The following SLMAP variants were observed in gnomAD, a reference collection of about 807,000 sequenced individuals.
SLMAP encodes sarcolemma associated protein.
SLMAP carries 44 observed loss-of-function variants against 128.8 expected under a neutral mutation model. That is an observed-to-expected ratio of 0.34 (90% CI 0.27 to 0.44). The LOEUF (loss-of-function observed/expected upper bound fraction) is 0.44. Ranked by LOEUF, SLMAP falls within the 20% of genes least tolerant of loss-of-function variation. SLMAP has a pLI of 1.00. For missense variants in SLMAP, 787 were observed against 985.3 expected, an observed-to-expected ratio of 0.80 and a Z score of 2.69; for synonymous variants, 327 against 348.8, an observed-to-expected ratio of 0.94 and a Z score of 0.70.
chr3:57,866,389 C>G (rs1305651801), intron 13 of SLMAP, among the ~76,000 whole-genome samples: 1 of 152,038 alleles, frequency 6.6e-6, no homozygotes, highest in Admixed American at 6.6e-5. Context: ...TTTTTTGGTT[C>G]TTTTTTGGTT....
chr3:57,766,078 A>C (rs1362801667), intron 2 of SLMAP, among the ~76,000 whole-genome samples: 1 of 143,944 alleles, frequency 6.9e-6, no homozygotes, highest in African/African-American at 2.6e-5. Context: ...GGCTCATTGT[A>C]AGCTCCGCCT....
chr3:57,810,580 T>C (rs1283451805), intron 2 of SLMAP, among the ~76,000 whole-genome samples: 1 of 152,226 alleles, frequency 6.6e-6, no homozygotes, highest in African/African-American at 2.4e-5. Context: ...TATCTATATA[T>C]GCGGCCTCTC....
intron 22 of SLMAP, chr3:57,917,613 C>T (rs774799290): frequency 6.5e-6 from 1 of 154,384 alleles, no homozygotes; most frequent in Non-Finnish European, 1.4e-5. Flanking sequence ...TGCTTAAAAC[C>T]TTGAGTTGAG....
In SLMAP at chr3:57,757,392, A is replaced by G. The variant is rs904732730; in HGVS notation, c.-260A>G. The G allele has an allele frequency of 9.3e-6, 5 of 539,196 alleles. No individual in the cohort carries two copies. The highest frequency in any genetic ancestry group is 1.7e-5 in the Non-Finnish European group (5 of 299,592). 33.4% of individuals were successfully genotyped at this position (539,196 alleles called of 1,614,324 possible). A position where few individuals can be genotyped will look rare whatever the true frequency, so the allele number is the denominator to read the frequency against. ...TTGAGCCTTTTCTTCCCAGAGAAGA[A>G]GATGGACTGAAAGCTGCCAGTTGGG... On this transcript the variant is annotated 5_prime_UTR_variant, in exon 2 of 25. Transcript: ENST00000671191.
intron 8 of SLMAP, among the ~76,000 whole-genome samples, chr3:57,858,614 T>C (rs1406193622): frequency 6.6e-6 from 1 of 152,196 alleles, no homozygotes; most frequent in African/African-American, 2.4e-5. Flanking sequence ...TTATCAATCA[T>C]TGATGATCCC....
chr3:57,831,979 G>T (rs1200862650), intron 3 of SLMAP, among the ~76,000 whole-genome samples: 1 of 152,214 alleles, frequency 6.6e-6, no homozygotes, highest in Non-Finnish European at 1.5e-5. Context: ...GTCATAAGAT[G>T]ATGGCTGCAA....
Position 57,909,072 on chromosome 3 carries a change from T to G in SLMAP, c.1625-4T>G. 1 of 1,599,296 alleles carries G rather than the reference T, an allele frequency of 6.3e-7. No homozygotes were observed. Among genetic ancestry groups the G allele is most frequent in the Non-Finnish European group, 8.6e-7 (1 of 1,168,776 alleles). On this transcript the variant is annotated splice_polypyrimidine_tract_variant and splice_region_variant and intron_variant, in intron 18 of 24. Coordinates refer to ENST00000671191, the MANE Select transcript of SLMAP (RefSeq NM_001377540.1). ...ATTAATAGATACTGTGTTTTTACTT[T>G]TAGCTCTTTTGGAAGAAGAAAGAAA...
chr3:57,802,483 T>C (rs1264779270), intron 2 of SLMAP, among the ~76,000 whole-genome samples: 3 of 152,158 alleles, frequency 2.0e-5, no homozygotes, highest in Non-Finnish European at 4.4e-5. Flanking sequence ...GGTTTCACTA[T>C]GTTGGCCAGG....
intron 3 of SLMAP, among the ~76,000 whole-genome samples, chr3:57,833,360 TAGAAAGCTAAGAAGATGACCCTG>T (rs1370934706): frequency 6.6e-6 from 1 of 152,176 alleles, no homozygotes; most frequent in Non-Finnish European, 1.5e-5. Flanking sequence ...GAAAATGCTA[TAGAAAGCTAAGAAGATGACCCTG>T]AGATTCAAGG....
At chr3:57,804,701 T>C (rs2089427769) in intron 2 of SLMAP, among the ~76,000 whole-genome samples, 1 of 152,104 alleles carries the variant, frequency 6.6e-6, no homozygotes, top group Non-Finnish European at 1.5e-5. Context: ...GCCATGATCA[T>C]GTCACTACTT....
intron 15 of SLMAP, chr3:57,891,168 G>C (rs2096060355): frequency 1.3e-5 from 2 of 149,106 alleles, no homozygotes; most frequent in Non-Finnish European, 3.0e-5. Flanking sequence ...ATTCAGATTA[G>C]TTGGTTGAAT....
intron 2 of SLMAP, among the ~76,000 whole-genome samples, chr3:57,793,716 A>G (rs188970367): frequency 2.6e-4 from 40 of 152,234 alleles, no homozygotes; most frequent in African/African-American, 7.9e-4. Context: ...ATGAATTTAG[A>G]TAATATATGT....
In SLMAP at chr3:57,929,331, C is replaced by T. The variant is rs191446361; in HGVS notation, c.*2042C>T. ...AGCTGTTTCCTCCAAGTTTTATTAA[C>T]CTTTTATTTAACTTACTGCTTTATT... is the stretch of plus-strand genomic sequence containing the variant. On this transcript the variant is annotated 3_prime_UTR_variant, in exon 25 of 25. Coordinates refer to ENST00000671191, the MANE Select transcript of SLMAP (RefSeq NM_001377540.1). Among the ~76,000 whole-genome samples the T allele has an allele frequency of 6.6e-6, 1 of 152,230 alleles. No homozygotes were observed. Among genetic ancestry groups the T allele is most frequent in the Admixed American group, 6.5e-5 (1 of 15,276 alleles).
At chr3:57,798,076 G>A (rs1251619890) in intron 2 of SLMAP, among the ~76,000 whole-genome samples, 1 of 152,236 alleles carries the variant, frequency 6.6e-6, no homozygotes, top group East Asian at 1.9e-4. Flanking sequence ...AGGCATACAT[G>A]GCATGGCACA....
Position 57,796,829 on chromosome 3 carries a change from GT to G in SLMAP, c.199-34553del, listed in dbSNP as rs375616538. ...TACTTAATGCCTTGGGATGATATCAGTGAAAATGTCAAAAATGCAACTATAT... is the reference window on the plus strand; with the variant it reads ...TACTTAATGCCTTGGGATGATATCAGGAAAATGTCAAAAATGCAACTATAT... On this transcript the variant is annotated intron_variant, in intron 2 of 24. Coordinates refer to ENST00000671191, the MANE Select transcript of SLMAP (RefSeq NM_001377540.1). Among the ~76,000 whole-genome samples, 158 of 152,276 alleles carry G rather than the reference GT, an allele frequency of 1.0e-3. 1 individual carries two copies. The highest frequency in any genetic ancestry group is 3.6e-3 in the African/African-American group (148 of 41,550).
chr3:57,784,464 C>T (rs2083679347), intron 2 of SLMAP, among the ~76,000 whole-genome samples: 1 of 152,142 alleles, frequency 6.6e-6, no homozygotes, highest in African/African-American at 2.4e-5. Context: ...TTTTCCTCAT[C>T]CCTATTGGAA....
chr3:57,886,246 G>T (rs1292473354), intron 14 of SLMAP, among the ~76,000 whole-genome samples: 1 of 151,542 alleles, frequency 6.6e-6, no homozygotes, highest in Admixed American at 6.6e-5. Context: ...TGGGATTACA[G>T]GTGCCCGCCA....
chr3:57,760,842 C>T (rs1576000805), intron 2 of SLMAP, among the ~76,000 whole-genome samples: 1 of 152,098 alleles, frequency 6.6e-6, no homozygotes, highest in Non-Finnish European at 1.5e-5. Flanking sequence ...ATTCTCCTGC[C>T]TCAGCTTCCC....
intron 22 of SLMAP, among the ~76,000 whole-genome samples, chr3:57,922,616 A>G (rs1443295188): frequency 6.6e-6 from 1 of 151,858 alleles, no homozygotes; most frequent in African/African-American, 2.4e-5. Flanking sequence ...TTTAGTAGAG[A>G]TGGGGTTTCT....
Sources: gnomAD v4.1 joint callset for allele counts (sites outside exome capture counted in the v4.1 genomes callset) on GRCh38, gnomAD v4.1.1 for gene constraint, MANE v1.5 for transcripts, NCBI Gene and HGNC (gene_info 2026-07-23, HGNC 2026-07-21) for gene names.